Variants in GABRB2 observed in about 807,000 individuals in gnomAD.
GABRB2 encodes the protein gamma-aminobutyric acid type A receptor subunit beta2.
A neutral mutation model predicts 54.7 loss-of-function variants in GABRB2; 16 were observed. That is an observed-to-expected ratio of 0.29 (90% CI 0.20 to 0.44). GABRB2 has a LOEUF of 0.44. Among genes scored for constraint, GABRB2 ranks in the 20% least tolerant of loss-of-function variants. The pLI, the probability that GABRB2 is intolerant of heterozygous loss-of-function variation, is 1.00. For synonymous variants in GABRB2, 244 were observed against 233.8 expected (o/e 1.04, Z -0.40); for missense variants, 355 against 644.0 (o/e 0.55, Z 4.86).
chr5:161,432,333 A>C (rs1390589222), intron 4 of GABRB2, among the ~76,000 whole-genome samples: 2 of 152,216 alleles, frequency 1.3e-5, no homozygotes, highest in Non-Finnish European at 2.9e-5. Context: ...TTTTTATCAT[A>C]TCAACATATA....
intron 4 of GABRB2, among the ~76,000 whole-genome samples, chr5:161,433,964 C>G (rs1269341505): frequency 1.3e-5 from 2 of 152,086 alleles, no homozygotes; most frequent in East Asian, 3.9e-4. Context: ...AAATCTCTGT[C>G]TCAATGTTTA....
Position 161,541,225 on chromosome 5 carries a change from A to G in GABRB2, c.237+4002T>C, listed in dbSNP as rs868455099. 2.0e-5 allele frequency among the ~76,000 whole-genome samples: 3 copies of G among 152,010 alleles called. 1 individual carries two copies. In the South Asian group the frequency reaches 6.2e-4, roughly 32 times the overall value. ...ACAGTGGGCTTAAAATGTTCAATAAATCATGCTGTAAACAGATATGCTGTC... is the reference window on the plus strand; with the variant it reads ...ACAGTGGGCTTAAAATGTTCAATAAGTCATGCTGTAAACAGATATGCTGTC... On this transcript the variant is annotated intron_variant, in intron 3 of 9. Coordinates refer to ENST00000393959, the MANE Select transcript of GABRB2 (RefSeq NM_001371727.1).
intron 5 of GABRB2, among the ~76,000 whole-genome samples, chr5:161,357,403 G>A (rs1159010362): frequency 6.6e-6 from 1 of 152,018 alleles, no homozygotes; most frequent in African/African-American, 2.4e-5. Flanking sequence ...CAAGGGGAAT[G>A]AGTAGAAAAT....
At chr5:161,297,994 A>ATCTCAT (rs1757432048) in intron 9 of GABRB2, among the ~76,000 whole-genome samples, 1 of 152,186 alleles carries the variant, frequency 6.6e-6, no homozygotes, top group African/African-American at 2.4e-5. Context: ...CTGAGATGGT[A>ATCTCAT]TCTCATTGTG....
At chr5:161,475,594 A>C (rs773787184) in intron 3 of GABRB2, among the ~76,000 whole-genome samples, 1 of 151,948 alleles carries the variant, frequency 6.6e-6, no homozygotes, top group African/African-American at 2.4e-5. Context: ...TCAATAGCAC[A>C]TGAGAAGGAA....
chr5:161,471,807 C>T (rs150892771), intron 3 of GABRB2, among the ~76,000 whole-genome samples: 1,593 of 152,002 alleles, frequency 0.01, 25 homozygotes, highest in African/African-American at 0.035. Flanking sequence ...GATTTATTCG[C>T]TATCAATTTG....
intron 3 of GABRB2, among the ~76,000 whole-genome samples, chr5:161,467,813 C>T (rs1758322536): frequency 6.6e-6 from 1 of 151,986 alleles, no homozygotes; most frequent in African/African-American, 2.4e-5. Flanking sequence ...ACATCATAGG[C>T]TGTGAGAGTA....
chr5:161,341,573 A>T (rs1643117042), intron 5 of GABRB2, among the ~76,000 whole-genome samples: 1 of 151,792 alleles, frequency 6.6e-6, no homozygotes, highest in Non-Finnish European at 1.5e-5. Context: ...GGAAAAACAA[A>T]TATAAAAATC....
At chr5:161,377,969 C>A (rs574280047) in intron 5 of GABRB2, among the ~76,000 whole-genome samples, 1 of 151,914 alleles carries the variant, frequency 6.6e-6, no homozygotes, top group South Asian at 2.1e-4. Flanking sequence ...CATAATTTGT[C>A]TAAATGTATT....
At chr5:161,398,865 T>G (rs771372626) in intron 5 of GABRB2, among the ~76,000 whole-genome samples, 67 of 152,070 alleles carry the variant, frequency 4.4e-4, no homozygotes, top group Non-Finnish European at 8.1e-4. Context: ...AATTTTTGTA[T>G]TTTTAGTAGA....
At chr5:161,521,908 A>AT (rs1760127539) in intron 3 of GABRB2, among the ~76,000 whole-genome samples, 1 of 151,866 alleles carries the variant, frequency 6.6e-6, no homozygotes. Flanking sequence ...TTATTTTACA[A>AT]TTTTTTAATA....
intron 3 of GABRB2, among the ~76,000 whole-genome samples, chr5:161,524,862 C>T (rs1760226284): frequency 6.6e-6 from 1 of 151,328 alleles, no homozygotes; most frequent in Non-Finnish European, 1.5e-5. Context: ...TGAAATCTCA[C>T]ACTTTCAACA....
chr5:161,331,818 A>G (rs900773559), intron 7 of GABRB2, among the ~76,000 whole-genome samples: 1 of 152,090 alleles, frequency 6.6e-6, no homozygotes, highest in Non-Finnish European at 1.5e-5. Flanking sequence ...CATTTAGAAC[A>G]ATCACTGTGG....
intron 4 of GABRB2, among the ~76,000 whole-genome samples, chr5:161,415,736 C>G (rs1653784116): frequency 6.6e-6 from 1 of 150,840 alleles, no homozygotes; most frequent in African/African-American, 2.4e-5. Context: ...CCTCAGCCTC[C>G]CTAGTAGCTG....
chr5:161,491,736 A>G (rs145491044), intron 3 of GABRB2, among the ~76,000 whole-genome samples: 1 of 151,510 alleles, frequency 6.6e-6, no homozygotes, highest in Non-Finnish European at 1.5e-5. Flanking sequence ...CAGCTTGAGA[A>G]CTCTATTCCA....
rs188678009 is a variant in GABRB2 at position 161,371,190 on chromosome 5, T to C, written c.542-34421A>G. Among the ~76,000 whole-genome samples the C allele has an allele frequency of 2.8e-3, 432 of 152,288 alleles. 1 individual carries two copies. Among genetic ancestry groups the C allele is most frequent in the Non-Finnish European group, 4.3e-3 (290 of 68,036 alleles). On this transcript the variant is annotated intron_variant, in intron 5 of 9. Transcript: ENST00000393959. ...AGGCTGTTATTACAAGACAATACTT[T>C]GTTTCTGACCCATGATCTGGGCAGA...
At chr5:161,363,809 T>A (rs952695193) in intron 5 of GABRB2, among the ~76,000 whole-genome samples, 1 of 152,238 alleles carries the variant, frequency 6.6e-6, no homozygotes, top group Non-Finnish European at 1.5e-5. Flanking sequence ...TAGGAACAGT[T>A]AGTTTCCTGG....
chr5:161,342,449 G>A (rs1197943389), intron 5 of GABRB2, among the ~76,000 whole-genome samples: 2 of 152,016 alleles, frequency 1.3e-5, no homozygotes, highest in Admixed American at 6.6e-5. Flanking sequence ...AAAGGGTTAT[G>A]CAATCAATAT....
upstream of GABRB2, among the ~76,000 whole-genome samples, chr5:161,547,407 G>C (rs867920405): frequency 2.0e-5 from 3 of 152,106 alleles, no homozygotes; most frequent in Admixed American, 1.3e-4. Context: ...ATAATGGCTG[G>C]TCTCTTCTAG....
Sources: gnomAD v4.1 joint callset for allele counts (sites outside exome capture counted in the v4.1 genomes callset) on GRCh38, gnomAD v4.1.1 for gene constraint, MANE v1.5 for transcripts, NCBI Gene and HGNC (gene_info 2026-07-23, HGNC 2026-07-21) for gene names.